The following QTMAN variants were observed in gnomAD, a reference collection of about 807,000 sequenced individuals.
QTMAN encodes tRNA-queuosine alpha-mannosyltransferase.
At chr2:144,058,579 T>G in the QTMAN span, among the ~76,000 whole-genome samples, 1 of 152,132 alleles carries the variant, frequency 6.6e-6, no homozygotes, top group Non-Finnish European at 1.5e-5. Flanking sequence ...GAATACCAAT[T>G]TCTGGCTTCT....
At chr2:144,298,076 T>C in the QTMAN span, among the ~76,000 whole-genome samples, 1 of 151,600 alleles carries the variant, frequency 6.6e-6, no homozygotes, top group African/African-American at 2.4e-5. Flanking sequence ...TGGAGTGCAA[T>C]GGCGCGATCT....
the QTMAN span, among the ~76,000 whole-genome samples, chr2:144,244,944 A>G: frequency 6.6e-6 from 1 of 152,192 alleles, no homozygotes; most frequent in Non-Finnish European, 1.5e-5. Flanking sequence ...GCAAAGATAA[A>G]CATTCCCTGC....
the QTMAN span, among the ~76,000 whole-genome samples, chr2:144,026,536 A>G: frequency 6.6e-6 from 1 of 152,218 alleles, no homozygotes; most frequent in Non-Finnish European, 1.5e-5. Context: ...CAAGACTGTA[A>G]GAAATATTTG....
the QTMAN span, among the ~76,000 whole-genome samples, chr2:144,253,233 G>A: frequency 6.6e-6 from 1 of 152,184 alleles, no homozygotes; most frequent in Admixed American, 6.5e-5. Context: ...CCCCAGCCAT[G>A]CAGAACAGTG....
At chr2:144,232,843 T>C in the QTMAN span, among the ~76,000 whole-genome samples, 1 of 152,296 alleles carries the variant, frequency 6.6e-6, no homozygotes, top group African/African-American at 2.4e-5. Flanking sequence ...GCTCAAATCA[T>C]CTCTTTAAAA....
At chr2:144,169,462 T>A in the QTMAN span, among the ~76,000 whole-genome samples, 43 of 152,282 alleles carry the variant, frequency 2.8e-4, no homozygotes, top group Admixed American at 7.8e-4. Context: ...AAATTCCAGA[T>A]ATCAGATCAT....
chr2:144,315,595 T>C, the QTMAN span, among the ~76,000 whole-genome samples: 6 of 152,314 alleles, frequency 3.9e-5, no homozygotes, highest in Middle Eastern at 3.4e-3. Context: ...GTAACATCTA[T>C]TTCTAAATCA....
the QTMAN span, among the ~76,000 whole-genome samples, chr2:144,044,261 T>TAC: frequency 1.3e-5 from 2 of 152,170 alleles, no homozygotes; most frequent in Non-Finnish European, 1.5e-5. Context: ...CATATATATA[T>TAC]ACACATAAGA....
the QTMAN span, among the ~76,000 whole-genome samples, chr2:144,274,227 G>A: frequency 3.3e-5 from 5 of 152,346 alleles, no homozygotes; most frequent in Admixed American, 6.5e-5. Flanking sequence ...GGGGCACTAG[G>A]AGAATCTTGT....
the QTMAN span, among the ~76,000 whole-genome samples, chr2:144,172,915 G>T: frequency 6.6e-6 from 1 of 152,024 alleles, no homozygotes; most frequent in African/African-American, 2.4e-5. Flanking sequence ...TGCTCCAAAT[G>T]AAGCCAAATG....
the QTMAN span, among the ~76,000 whole-genome samples, chr2:144,054,622 C>A: frequency 3.9e-4 from 59 of 152,304 alleles, no homozygotes; most frequent in African/African-American, 1.3e-3. Context: ...CCTTGGGTTA[C>A]ATGAAGGATG....
At chr2:144,047,882 T>C in the QTMAN span, among the ~76,000 whole-genome samples, 1 of 152,224 alleles carries the variant, frequency 6.6e-6, no homozygotes. Context: ...CACAACAATG[T>C]AAAGCAATTG....
chr2:143,977,925 C>G, the QTMAN span, among the ~76,000 whole-genome samples: 3 of 152,086 alleles, frequency 2.0e-5, no homozygotes, highest in African/African-American at 7.2e-5. Context: ...AGTTTCCTTC[C>G]TAAAGTCTGT....
chr2:144,310,767 C>T, the QTMAN span, among the ~76,000 whole-genome samples: 9 of 152,012 alleles, frequency 5.9e-5, no homozygotes, highest in African/African-American at 1.7e-4. Context: ...ACTTAGATGG[C>T]GAAGATTAAA....
chr2:144,053,593 T>C, the QTMAN span, among the ~76,000 whole-genome samples: 1 of 152,204 alleles, frequency 6.6e-6, no homozygotes. Flanking sequence ...ATCACATCCT[T>C]ATAACATCCT....
chr2:143,951,560 C>T, the QTMAN span, among the ~76,000 whole-genome samples: 2 of 151,492 alleles, frequency 1.3e-5, no homozygotes, highest in African/African-American at 4.8e-5. Flanking sequence ...GAACACCAAA[C>T]TTCACTAATG....
the QTMAN span, among the ~76,000 whole-genome samples, chr2:144,229,414 C>G: frequency 2.0e-5 from 3 of 152,172 alleles, no homozygotes; most frequent in Non-Finnish European, 4.4e-5. Context: ...TTCAGTGGTT[C>G]AGGGTAATGA....
At chr2:144,032,008 T>C in the QTMAN span, among the ~76,000 whole-genome samples, 1 of 152,066 alleles carries the variant, frequency 6.6e-6, no homozygotes, top group African/African-American at 2.4e-5. Context: ...TGGTCTCAAA[T>C]TCCTGACCTC....
chr2:144,017,153 C>T, the QTMAN span, among the ~76,000 whole-genome samples: 1 of 151,864 alleles, frequency 6.6e-6, no homozygotes, highest in Non-Finnish European at 1.5e-5. Context: ...TACAGGCATG[C>T]ACCACCACGT....
Sources: gnomAD v4.1 joint callset for allele counts (sites outside exome capture counted in the v4.1 genomes callset) on GRCh38, gnomAD v4.1.1 for gene constraint, MANE v1.5 for transcripts, NCBI Gene and HGNC (gene_info 2026-07-23, HGNC 2026-07-21) for gene names.